GALK2: variants seen among roughly 807,000 people sequenced by gnomAD.
The protein encoded by GALK2 is galactokinase 2.
A neutral mutation model predicts 52.4 loss-of-function variants in GALK2; 36 were observed. The ratio of observed to expected loss-of-function variants is 0.69; its 90% confidence interval spans 0.53 to 0.91. The LOEUF is 0.91. Among genes scored for constraint, GALK2 ranks in the 40% least tolerant of loss-of-function variants. The probability of loss-of-function intolerance (pLI) is 0.00; values close to 1 mark genes in which losing one functional copy is unlikely to be tolerated. For synonymous variants in GALK2, 176 were observed against 199.1 expected (o/e 0.88, Z 0.98); for missense variants, 579 against 559.1 (o/e 1.04, Z -0.36).
chr15:49,184,920 T>A (rs762840810), intron 1 of GALK2, among the ~76,000 whole-genome samples: 3 of 152,218 alleles, frequency 2.0e-5, no homozygotes, highest in Non-Finnish European at 2.9e-5. Flanking sequence ...GTTACAATGT[T>A]CTGTGTTTGT....
intron 1 of GALK2, chr15:49,185,698 G>GTTTTGA (rs897629947): frequency 5.9e-5 from 9 of 152,196 alleles, no homozygotes; most frequent in African/African-American, 2.2e-4. Context: ...TGTGGTTTTG[G>GTTTTGA]TTTTGATTTG....
chr15:49,202,216 G>C (rs534548732), intron 2 of GALK2, among the ~76,000 whole-genome samples: 1 of 152,018 alleles, frequency 6.6e-6, no homozygotes, highest in Non-Finnish European at 1.5e-5. Context: ...TGTTGGTCAG[G>C]CTGGTCTCGA....
At chr15:49,288,710 T>C (rs1223975955) in intron 7 of GALK2, among the ~76,000 whole-genome samples, 5 of 152,142 alleles carry the variant, frequency 3.3e-5, no homozygotes. Context: ...ATAGGGGTAA[T>C]GTGTTTAGTG....
At chr15:49,327,829 A>T in intron 9 of GALK2, 123 bp from the exon 10 acceptor site, 1 of 835,182 alleles carries the variant, frequency 1.2e-6, no homozygotes, top group African/African-American at 1.7e-5. Context: ...GTTTGATGAC[A>T]CCTAAAAACC....
At chr15:49,318,876 T>C in intron 8 of GALK2, 1 of 438,900 alleles carries the variant, frequency 2.3e-6, no homozygotes, top group Admixed American at 2.6e-5. Context: ...CTCCTTCTCT[T>C]TTCTGTTAAC....
In GALK2 at chr15:49,354,427, C is replaced by T. The variant is rs1315099508; in HGVS notation, c.427-13064C>T. 5.3e-5 allele frequency among the ~76,000 whole-genome samples: 8 copies of T among 152,216 alleles called. 1 individual carries two copies. The highest frequency in any genetic ancestry group is 4.6e-4 in the Admixed American group (7 of 15,282). On this transcript the variant is annotated intron_variant, in intron 3 of 3. Coordinates refer to the GALK2 transcript ENST00000558399. ...GCCGAAGCAGGGCGAGGCATTGCCT[C>T]ACTTGGGAAGCGCAAGGGGTCAGGG...
Position 49,328,582 on chromosome 15 carries a change from C to T in GALK2, c.*423C>T. 2 of 1,600,702 alleles carry T rather than the reference C, an allele frequency of 1.2e-6. No homozygotes were observed. Among genetic ancestry groups the T allele is most frequent in the Non-Finnish European group, 1.7e-6 (2 of 1,171,224 alleles). ...TCTGGTTTCTCTTAGTATTCTTCTT[C>T]CTCAAAGTTGTAGTTGTCTGTTGAT... On this transcript the variant is annotated 3_prime_UTR_variant, in exon 10 of 10. Coordinates refer to ENST00000560031, the MANE Select transcript of GALK2 (RefSeq NM_002044.4).
At chr15:49,226,202 C>T (rs776490530) in intron 3 of GALK2, among the ~76,000 whole-genome samples, 74 of 152,266 alleles carry the variant, frequency 4.9e-4, no homozygotes, top group Non-Finnish European at 9.0e-4. Context: ...GGCAGATCCC[C>T]TTGCCAGTTT....
intron 1 of GALK2, among the ~76,000 whole-genome samples, chr15:49,171,082 C>CT (rs201895577): frequency 0.021 from 2,663 of 129,836 alleles, 52 homozygotes; most frequent in African/African-American, 0.052. Flanking sequence ...TTTTCTTTTT[C>CT]TTTTTTTTTT....
chr15:49,285,561 G>A (rs930326844), intron 7 of GALK2, among the ~76,000 whole-genome samples: 7 of 152,094 alleles, frequency 4.6e-5, no homozygotes, highest in Non-Finnish European at 8.8e-5. Flanking sequence ...CTTCAACTAA[G>A]GCTTTCTTGG....
At chr15:49,316,968 T>C (rs2036471561) in intron 8 of GALK2, among the ~76,000 whole-genome samples, 1 of 152,116 alleles carries the variant, frequency 6.6e-6, no homozygotes, top group Admixed American at 6.6e-5. Context: ...CCTTTGGGGC[T>C]GATAGTAGGG....
intron 1 of GALK2, among the ~76,000 whole-genome samples, chr15:49,199,728 G>T (rs1385459608): frequency 6.6e-6 from 1 of 152,176 alleles, no homozygotes; most frequent in Non-Finnish European, 1.5e-5. Flanking sequence ...GTTAAGTCTT[G>T]TAGAGTCAAG....
chr15:49,174,682 G>T (rs577661758), intron 1 of GALK2, among the ~76,000 whole-genome samples: 1 of 151,936 alleles, frequency 6.6e-6, no homozygotes, highest in Non-Finnish European at 1.5e-5. Flanking sequence ...TTATATGTGT[G>T]TATTTTTGTA....
At chr15:49,336,991 C>A (rs1405020928) in intron 3 of GALK2, among the ~76,000 whole-genome samples, 1 of 152,202 alleles carries the variant, frequency 6.6e-6, no homozygotes, top group Non-Finnish European at 1.5e-5. Flanking sequence ...TGGCCTCCAT[C>A]TGCATTCATG....
intron 5 of GALK2, among the ~76,000 whole-genome samples, chr15:49,273,686 T>C (rs948573108): frequency 1.3e-5 from 2 of 152,152 alleles, no homozygotes; most frequent in Admixed American, 1.3e-4. Flanking sequence ...GGAGAACTTC[T>C]CTGTCCTGGA....
intron 5 of GALK2, among the ~76,000 whole-genome samples, chr15:49,281,082 AC>A (rs1183689333): frequency 6.6e-6 from 1 of 152,108 alleles, no homozygotes; most frequent in Non-Finnish European, 1.5e-5. Flanking sequence ...TGATCCGCCC[AC>A]CTCGGCCTCC....
rs933921150 is a variant in GALK2, at chr15:49,362,266, C to G, written c.427-5225C>G. 2.0e-5 allele frequency among the ~76,000 whole-genome samples: 3 copies of G among 151,988 alleles called. 1 individual carries two copies. Among genetic ancestry groups the G allele is most frequent in the African/African-American group, 7.3e-5 (3 of 41,366 alleles). On this transcript the variant is annotated intron_variant, in intron 3 of 3. Transcript: ENST00000558399. ...TGCTGTTTTCATGATAGTGAAAGTT[C>G]TCATGAGATACGCTGGCTTAAAAGT...
rs907443636 is a variant in GALK2, at chr15:49,290,644, GCTT to G, written c.757-1679_757-1677del. Among the ~76,000 whole-genome samples, 12 of 152,328 alleles carry G rather than the reference GCTT, an allele frequency of 7.9e-5. No individual in the cohort carries two copies. In the East Asian group the frequency reaches 2.3e-3, roughly 29 times the overall value. On this transcript the variant is annotated intron_variant, in intron 7 of 9. Transcript: ENST00000560031. ...ACTTGGAGATTACTGTGGACTGAAAGCTTCTTAGGAAGAGCCCACTGTCATCTC... is the reference window on the plus strand; with the variant it reads ...ACTTGGAGATTACTGTGGACTGAAAGCTTAGGAAGAGCCCACTGTCATCTC...
chr15:49,305,992 G>A (rs973500958), intron 8 of GALK2, among the ~76,000 whole-genome samples: 1 of 152,204 alleles, frequency 6.6e-6, no homozygotes, highest in Non-Finnish European at 1.5e-5. Context: ...AACATCTCTA[G>A]ATGTTTGTGA....
Sources: allele counts gnomAD v4.1 joint callset (sites outside exome capture counted in the v4.1 genomes callset), GRCh38; gene constraint gnomAD v4.1.1; transcripts MANE v1.5; gene names NCBI Gene and HGNC (gene_info 2026-07-23, HGNC 2026-07-21).